LMNB1: variants seen among roughly 807,000 people sequenced by gnomAD.
LMNB1 encodes lamin-B1.
In LMNB1, 23 loss-of-function variants were observed where a neutral mutation model predicts 67.1. The ratio of observed to expected loss-of-function variants is 0.34; its 90% CI spans 0.25 to 0.49. LMNB1 has a LOEUF of 0.49. Among genes scored for constraint, LMNB1 ranks in the 20% least tolerant of loss-of-function variants. LMNB1 has a pLI of 0.99. For synonymous variants in LMNB1, 281 were observed against 282.9 expected, an observed-to-expected ratio of 0.99 and a Z score of 0.07; for missense variants, 634 against 746.5, an observed-to-expected ratio of 0.85 and a Z score of 1.76.
chr5:126,809,875 G>C (rs528159219), intron 3 of LMNB1, among the ~76,000 whole-genome samples: 1 of 152,094 alleles, frequency 6.6e-6, no homozygotes, highest in Non-Finnish European at 1.5e-5. Flanking sequence ...ATAAATCCTT[G>C]ATTGCAGATA....
At chr5:126,795,989 A>G (rs559159191) in intron 1 of LMNB1, among the ~76,000 whole-genome samples, 3 of 120,016 alleles carry the variant, frequency 2.5e-5, no homozygotes, top group South Asian at 2.9e-4. Context: ...TGGGAGTGCA[A>G]TGGTGCGATC....
At chr5:126,782,225 C>T (rs1476561927) in intron 1 of LMNB1, among the ~76,000 whole-genome samples, 1 of 152,196 alleles carries the variant, frequency 6.6e-6, no homozygotes, top group Non-Finnish European at 1.5e-5. Flanking sequence ...TATTTTCCTT[C>T]AGTGATACAG....
At chr5:126,813,600 G>C (rs1270759723) in intron 5 of LMNB1, among the ~76,000 whole-genome samples, 1 of 152,148 alleles carries the variant, frequency 6.6e-6, no homozygotes, top group Non-Finnish European at 1.5e-5. Context: ...AGTTTTGGAG[G>C]CTGGGAAGTC....
At chr5:126,821,307 G>C (rs996993445) in intron 7 of LMNB1, among the ~76,000 whole-genome samples, 172 bp downstream of exon 7, 2 of 152,146 alleles carry the variant, frequency 1.3e-5, no homozygotes, top group African/African-American at 4.8e-5. Context: ...AATAGGAGGA[G>C]GAAGAGTTAG....
At chr5:126,787,248 C>G (rs190795459) in intron 1 of LMNB1, among the ~76,000 whole-genome samples, 2 of 151,902 alleles carry the variant, frequency 1.3e-5, no homozygotes, top group Admixed American at 1.3e-4. Context: ...AAACAAGGAC[C>G]GCTACCTAAG....
Position 126,810,537 on chromosome 5 carries a change from A to G in LMNB1, c.813+187A>G, listed in dbSNP as rs3805744. Among the ~76,000 whole-genome samples, 27,263 of 152,206 alleles carry G rather than the reference A, an allele frequency of 0.18. 2,669 individuals carry two copies. The highest frequency in any genetic ancestry group is 0.28 in the East Asian group (1,441 of 5,176). On this transcript the variant is annotated intron_variant, in intron 4 of 10. Coordinates refer to ENST00000261366, the MANE Select transcript of LMNB1 (RefSeq NM_005573.4). ...TTCTATAAACTAAATGTTATTAAAA[A>G]TTACTAGAAGAATGTAGGGTTGTTG...
intron 5 of LMNB1, among the ~76,000 whole-genome samples, chr5:126,812,780 G>C (rs1486669175): frequency 1.4e-5 from 2 of 146,216 alleles, no homozygotes; most frequent in African/African-American, 5.2e-5. Context: ...GCCCAGGCTG[G>C]AGTGCAGTGG....
chr5:126,820,433 A>G (rs1751835318), intron 6 of LMNB1, among the ~76,000 whole-genome samples: 1 of 152,230 alleles, frequency 6.6e-6, no homozygotes, highest in African/African-American at 2.4e-5. Context: ...CACCTTATGA[A>G]GAAGTTTACA....
chr5:126,834,109 C>G (rs762246521), intron 10 of LMNB1, among the ~76,000 whole-genome samples: 6 of 152,194 alleles, frequency 3.9e-5, no homozygotes, highest in Non-Finnish European at 5.9e-5. Context: ...TCTTTTAGGT[C>G]TCTTTCTGTG....
At chr5:126,807,251 T>C (rs1252226953) in intron 3 of LMNB1, among the ~76,000 whole-genome samples, 1 of 152,234 alleles carries the variant, frequency 6.6e-6, no homozygotes, top group Non-Finnish European at 1.5e-5. Flanking sequence ...ATGCTGTTAA[T>C]GTGCTAGGCT....
At chr5:126,807,996 G>A (rs991144271) in intron 3 of LMNB1, among the ~76,000 whole-genome samples, 5 of 149,690 alleles carry the variant, frequency 3.3e-5, no homozygotes, top group Non-Finnish European at 7.4e-5. Flanking sequence ...TTCAGCCTCT[G>A]GAGTAACTGG....
chr5:126,778,246 C>A (rs548722117), intron 1 of LMNB1, among the ~76,000 whole-genome samples: 1 of 151,936 alleles, frequency 6.6e-6, no homozygotes, highest in Non-Finnish European at 1.5e-5. Flanking sequence ...CGCGAGCGCG[C>A]GCTCGCGTGC....
chr5:126,789,165 G>A (rs1313522115), intron 1 of LMNB1, among the ~76,000 whole-genome samples: 1 of 152,022 alleles, frequency 6.6e-6, no homozygotes, highest in Non-Finnish European at 1.5e-5. Flanking sequence ...GGGATTACAG[G>A]TGTGAGCCAC....
At chr5:126,831,379 C>G (rs1250805565) in intron 9 of LMNB1, among the ~76,000 whole-genome samples, 1 of 152,186 alleles carries the variant, frequency 6.6e-6, no homozygotes, top group African/African-American at 2.4e-5. Flanking sequence ...GCATTTGTGC[C>G]AAGTCAGCAT....
intron 5 of LMNB1, among the ~76,000 whole-genome samples, chr5:126,814,488 C>T (rs1751660420): frequency 6.6e-6 from 1 of 151,140 alleles, no homozygotes. Flanking sequence ...TGTGTTCTAA[C>T]CTAGGTTCAA....
At position 126,836,663 on chromosome 5, in the gene LMNB1, A is replaced by G. The variant is rs2126745744; in HGVS notation, c.*399A>G. The G allele has an allele frequency of 2.7e-6, 1 of 371,700 alleles. No individual in the cohort carries two copies. Among genetic ancestry groups the G allele is most frequent in the Non-Finnish European group, 4.7e-6 (1 of 210,970 alleles). The allele number at this position is 371,700 out of a possible 1,614,324, so 23.0% of individuals were successfully genotyped here. A position where few individuals can be genotyped will look rare whatever the true frequency, so the allele number is the denominator to read the frequency against. On this transcript the variant is annotated 3_prime_UTR_variant, in exon 11 of 11. Transcript: ENST00000261366. Reference sequence around the variant, plus strand: ...AGCAATCTCTTCATTATTCTCTGCTATATATAAAACGGTGCTGTGAGGGAG... The same window carrying G: ...AGCAATCTCTTCATTATTCTCTGCTGTATATAAAACGGTGCTGTGAGGGAG...
intron 7 of LMNB1, among the ~76,000 whole-genome samples, chr5:126,821,415 G>A (rs1751865736): frequency 6.6e-6 from 1 of 152,118 alleles, no homozygotes; most frequent in Admixed American, 6.6e-5. Context: ...TGGTTCTGAG[G>A]ATGAGTTATT....
intron 1 of LMNB1, among the ~76,000 whole-genome samples, chr5:126,795,260 C>G (rs540857683): frequency 6.6e-6 from 1 of 152,020 alleles, no homozygotes; most frequent in East Asian, 1.9e-4. Context: ...ATCTCAGTCT[C>G]TCTAGTAGCT....
At chr5:126,818,239 CTTTTTT>C (rs376846973) in intron 5 of LMNB1, among the ~76,000 whole-genome samples, 1 of 134,204 alleles carries the variant, frequency 7.5e-6, no homozygotes, top group Admixed American at 7.6e-5. Flanking sequence ...GTGTTTATAT[CTTTTTT>C]TTTTTTTTTT....
Sources: allele counts gnomAD v4.1 joint callset (sites outside exome capture counted in the v4.1 genomes callset), GRCh38; gene constraint gnomAD v4.1.1; transcripts MANE v1.5; gene names NCBI Gene and HGNC (gene_info 2026-07-23, HGNC 2026-07-21).